EBF2: variants seen among roughly 807,000 people sequenced by gnomAD.
The protein encoded by EBF2 is EBF transcription factor 2.
Under a neutral mutation model 72.8 loss-of-function variants are expected in EBF2, and 21 were observed. The observed-to-expected ratio is 0.29, with a 90% CI of 0.20 to 0.42. EBF2 has a LOEUF of 0.42. Among genes scored for constraint, EBF2 ranks in the 10% least tolerant of loss-of-function variants. EBF2 has a pLI of 1.00. For missense variants in EBF2, 637 were observed against 731.2 expected (o/e 0.87, Z 1.49); for synonymous variants, 299 against 274.2 (o/e 1.09, Z -0.89).
intron 6 of EBF2, among the ~76,000 whole-genome samples, chr8:26,004,395 T>C (rs1177448412): frequency 6.6e-6 from 1 of 152,030 alleles, no homozygotes; most frequent in Non-Finnish European, 1.5e-5. Flanking sequence ...ACTAAATAAG[T>C]CTGGCACAGT....
chr8:25,957,466 T>C (rs1309150930), intron 6 of EBF2, among the ~76,000 whole-genome samples: 1 of 152,132 alleles, frequency 6.6e-6, no homozygotes. Flanking sequence ...GCAGGCCACC[T>C]CTTCACCACT....
intron 6 of EBF2, among the ~76,000 whole-genome samples, chr8:26,004,838 C>T (rs764988783): frequency 6.6e-6 from 1 of 151,968 alleles, no homozygotes; most frequent in Non-Finnish European, 1.5e-5. Flanking sequence ...ATGGTGACTT[C>T]GTAACCAGGG....
At chr8:26,018,527 C>T (rs1267510276) in intron 6 of EBF2, among the ~76,000 whole-genome samples, 1 of 145,236 alleles carries the variant, frequency 6.9e-6, no homozygotes, top group Non-Finnish European at 1.5e-5. Flanking sequence ...AAAAATTAGC[C>T]GGGCGTGGTG....
intron 6 of EBF2, among the ~76,000 whole-genome samples, chr8:25,991,941 C>A (rs531693135): frequency 6.6e-6 from 1 of 152,228 alleles, no homozygotes; most frequent in South Asian, 2.1e-4. Flanking sequence ...ACTAGCTAAG[C>A]AAATTGTGGC....
intron 14 of EBF2, among the ~76,000 whole-genome samples, chr8:25,857,502 A>G (rs1362401484): frequency 1.3e-5 from 2 of 151,910 alleles, no homozygotes; most frequent in East Asian, 3.9e-4. Context: ...TTTCGAGAAC[A>G]CTCTACTCAA....
chr8:25,975,471 C>G (rs1440767367), intron 6 of EBF2, among the ~76,000 whole-genome samples: 1 of 152,098 alleles, frequency 6.6e-6, no homozygotes, highest in African/African-American at 2.4e-5. Context: ...AATAGTGCGA[C>G]AGGATTAAGT....
At chr8:25,890,902 G>A (rs1458056333) in intron 7 of EBF2, among the ~76,000 whole-genome samples, 1 of 152,166 alleles carries the variant, frequency 6.6e-6, no homozygotes. Flanking sequence ...ACATATAAAG[G>A]ATTCAGCACA....
chr8:25,844,089 AAC>A lies in EBF2; in HGVS notation c.*518_*519del, dbSNP rs1237916173. ...TTTTAAAGAGATTAAGCTATAAGCA[AAC>A]ACACATACAACATTTCATCATTCAA... On this transcript the variant is annotated 3_prime_UTR_variant, in exon 16 of 16. Transcript: ENST00000520164. 1 of 152,750 alleles carries A rather than the reference AAC, an allele frequency of 6.5e-6. No individual in the cohort carries two copies. The highest frequency in any genetic ancestry group is 6.5e-5 in the Admixed American group (1 of 15,304). 9.5% of individuals were successfully genotyped at this position (152,750 alleles called of 1,614,324 possible). A position where few individuals can be genotyped will look rare whatever the true frequency, so the allele number is the denominator to read the frequency against.
At chr8:26,035,494 G>A (rs1247897069) in intron 5 of EBF2, among the ~76,000 whole-genome samples, 1 of 152,026 alleles carries the variant, frequency 6.6e-6, no homozygotes, top group African/African-American at 2.4e-5. Flanking sequence ...TGCCCTCTCT[G>A]GTTCTCCACA....
intron 6 of EBF2, among the ~76,000 whole-genome samples, chr8:25,943,311 C>CAAAAGAAAAAAAAAAAAAAA (rs1803710087): frequency 1.7e-5 from 1 of 59,154 alleles, no homozygotes; most frequent in Non-Finnish European, 4.1e-5. Context: ...TGTCTCTACA[C>CAAAAGAAAAAAAAAAAAAAA]AAAAAAAAAA....
intron 6 of EBF2, among the ~76,000 whole-genome samples, chr8:25,909,668 G>A (rs779170110): frequency 5.3e-5 from 8 of 152,148 alleles, no homozygotes; most frequent in Non-Finnish European, 8.8e-5. Context: ...TCATTGCGAC[G>A]TTCTGATTTT....
intron 6 of EBF2, among the ~76,000 whole-genome samples, chr8:26,005,688 G>A (rs1201026803): frequency 6.8e-6 from 1 of 146,876 alleles, no homozygotes; most frequent in Admixed American, 7.1e-5. Context: ...AAAATAAGCT[G>A]GGCATGGTGG....
intron 5 of EBF2, among the ~76,000 whole-genome samples, chr8:26,037,076 A>G (rs1805514363): frequency 6.6e-6 from 1 of 152,108 alleles, no homozygotes; most frequent in Admixed American, 6.5e-5. Context: ...ATTTTATTCT[A>G]GTACTTATTT....
At chr8:25,908,776 T>C (rs1803081295) in intron 6 of EBF2, among the ~76,000 whole-genome samples, 1 of 152,146 alleles carries the variant, frequency 6.6e-6, no homozygotes. Context: ...CTGTGGGGGA[T>C]TGTTAAGTGG....
intron 6 of EBF2, among the ~76,000 whole-genome samples, chr8:25,956,962 C>T (rs1006980459): frequency 3.3e-5 from 5 of 152,226 alleles, no homozygotes; most frequent in South Asian, 2.1e-4. Flanking sequence ...GCCAGATTGA[C>T]GCATTACCCA....
At chr8:25,944,905 G>A (rs2117161687) in intron 6 of EBF2, among the ~76,000 whole-genome samples, 1 of 151,990 alleles carries the variant, frequency 6.6e-6, no homozygotes, top group East Asian at 1.9e-4. Flanking sequence ...TATCTGATAA[G>A]TGGCCTCTGA....
intron 6 of EBF2, among the ~76,000 whole-genome samples, chr8:25,914,211 C>T (rs554831752): frequency 2.0e-5 from 3 of 152,336 alleles, no homozygotes; most frequent in South Asian, 4.1e-4. Context: ...TAAGAAAACT[C>T]GCAAGTGATT....
intron 6 of EBF2, among the ~76,000 whole-genome samples, chr8:26,004,779 A>T (rs1416290380): frequency 7.9e-5 from 12 of 151,624 alleles, no homozygotes; most frequent in African/African-American, 1.5e-4. Flanking sequence ...CATATCATTT[A>T]AAAAAAATAA....
At chr8:25,971,894 CCTCCAAGAA>C in intron 6 of EBF2, among the ~76,000 whole-genome samples, 1 of 152,308 alleles carries the variant, frequency 6.6e-6, no homozygotes, top group African/African-American at 2.4e-5. Flanking sequence ...TCGAGCGGCC[CCTCCAAGAA>C]CCCTGGGCTG....
Sources: gnomAD v4.1 joint callset for allele counts (sites outside exome capture counted in the v4.1 genomes callset) on GRCh38, gnomAD v4.1.1 for gene constraint, MANE v1.5 for transcripts, NCBI Gene and HGNC (gene_info 2026-07-23, HGNC 2026-07-21) for gene names.